Variants in PEX1 observed in about 807,000 individuals in gnomAD.
PEX1 encodes the protein peroxisomal ATPase PEX1.
Under a neutral mutation model 152.5 loss-of-function variants are expected in PEX1, and 97 were observed. That is an observed-to-expected ratio of 0.64 (90% CI 0.54 to 0.75). The LOEUF (loss-of-function observed/expected upper bound fraction) is 0.75, where lower values mean the gene tolerates loss of function less well. PEX1 is among the 30% of genes least tolerant of loss of function. The pLI is 0.00. For missense variants in PEX1, 1,357 were observed against 1,516.3 expected, an observed-to-expected ratio of 0.89 and a Z score of 1.74; for synonymous variants, 485 against 531.6, an observed-to-expected ratio of 0.91 and a Z score of 1.21.
At chr7:92,516,061 AAAAG>A (rs1389588023) in intron 5 of PEX1, among the ~76,000 whole-genome samples, 10 of 39,822 alleles carry the variant, frequency 2.5e-4, no homozygotes, top group Admixed American at 9.6e-4. Context: ...GAGAAAAAAG[AAAAG>A]AAAAGAAAAG....
chr7:92,518,382 G>C, intron 3 of PEX1, 127 bp from the exon 4 acceptor site: 2 of 689,784 alleles, frequency 2.9e-6, no homozygotes, highest in South Asian at 3.2e-5. Context: ...ACACGACATG[G>C]TGTTATGAGC....
Position 92,492,985 on chromosome 7 carries a change from A to G in PEX1, c.3175T>C (p.Leu1059=), listed in dbSNP as rs1233654408. Residue 1059 remains leucine, a synonymous_variant, in exon 20 of 24, where the codon TTA becomes CTA. Coordinates refer to ENST00000248633, the MANE Select transcript of PEX1 (RefSeq NM_000466.3). ...CCACTCGAGAGCAGCATTCCATGTA[A>G]GGCCTCCAATTGGGCATTGTAAAGT... ...ALLYNAQLEA[L]HGMLLSSGLQ... 6.2e-7 allele frequency: 1 copy of G among 1,613,770 alleles called. No homozygotes were observed. Among genetic ancestry groups the G allele is most frequent in the African/African-American group, 1.3e-5 (1 of 74,920 alleles).
At chr7:92,500,527 G>A (rs1167538052) in intron 15 of PEX1, among the ~76,000 whole-genome samples, 1 of 152,164 alleles carries the variant, frequency 6.6e-6, no homozygotes, top group Non-Finnish European at 1.5e-5. Context: ...ATGTACTAAT[G>A]CTTGATGCCC....
At chr7:92,516,666 A>G (rs1792801595) in intron 5 of PEX1, among the ~76,000 whole-genome samples, 2 of 152,168 alleles carry the variant, frequency 1.3e-5, no homozygotes, top group South Asian at 4.1e-4. Context: ...GACTTATGTC[A>G]TATAAAGGTA....
Position 92,504,871 on chromosome 7 carries a change from T to C in PEX1, c.1932A>G (p.Leu644=), listed in dbSNP as rs889763520. 6.2e-7 allele frequency: 1 copy of C among 1,613,770 alleles called. No individual in the cohort carries two copies. Among genetic ancestry groups the C allele is most frequent in the African/African-American group, 1.3e-5 (1 of 74,922 alleles). The change falls in exon 12 of 24, where the codon CTA becomes CTG. Residue 644 remains leucine, a synonymous_variant. Transcript: ENST00000248633. The stretch of plus-strand genomic sequence containing the variant: ...ACACTGCCTCTGAGAAAGCCACCTC[T>C]AGGGTTTTTTGTATGTTTTCAAGCC... The part of the protein sequence containing the change: ...GKRLENIQKT[L]EVAFSEAVWM...
intron 1 of PEX1, among the ~76,000 whole-genome samples, chr7:92,523,464 G>A (rs1793137148): frequency 6.6e-6 from 1 of 151,534 alleles, no homozygotes; most frequent in Admixed American, 6.6e-5. Flanking sequence ...TGGGAATATA[G>A]GCATACACCA....
At position 92,506,937 on chromosome 7, in the gene PEX1, A is replaced by G. The variant is rs552327307; in HGVS notation, c.1803+57T>C. ...TAATAGATGGTCAAAACCCAAAGAAAGATAAATGAAAAGTTATTAAATGTT... is the reference window on the plus strand; with the variant it reads ...TAATAGATGGTCAAAACCCAAAGAAGGATAAATGAAAAGTTATTAAATGTT... On this transcript the variant is annotated intron_variant, in intron 10 of 23. Coordinates refer to ENST00000248633, the MANE Select transcript of PEX1 (RefSeq NM_000466.3). 8 of 1,581,658 alleles carry G rather than the reference A, an allele frequency of 5.1e-6. No homozygotes were observed. The African/African-American group carries it at 1.1e-4, about 21-fold the overall frequency.
In PEX1 at chr7:92,504,688, C is replaced by T. The variant is rs140326758; in HGVS notation, c.2071+44G>A. On this transcript the variant is annotated intron_variant, in intron 12 of 23. Coordinates refer to ENST00000248633, the MANE Select transcript of PEX1 (RefSeq NM_000466.3). ...TTATTGTTAAGACTAAAAATGCTGACTGACAAAAGAACAAGACCTTAAGCC... is the reference window on the plus strand; with the variant it reads ...TTATTGTTAAGACTAAAAATGCTGATTGACAAAAGAACAAGACCTTAAGCC... 448 of 1,586,490 alleles carry T rather than the reference C, an allele frequency of 2.8e-4. 1 individual carries two copies. The African/African-American group carries it at 5.0e-3, about 18-fold the overall frequency.
chr7:92,506,361 T>A lies in PEX1; in HGVS notation c.1804-17A>T. On this transcript the variant is annotated splice_polypyrimidine_tract_variant and intron_variant, in intron 10 of 23. Transcript: ENST00000248633. Reference sequence around the variant, plus strand: ...TCCACTTCCCTAGAAAATAATTGCTTTATAGGAATTCCCAATATATTCAGT... The same window carrying A: ...TCCACTTCCCTAGAAAATAATTGCTATATAGGAATTCCCAATATATTCAGT... 3 of 1,440,284 alleles carry A rather than the reference T, an allele frequency of 2.1e-6. No individual in the cohort carries two copies. Among genetic ancestry groups the A allele is most frequent in the Non-Finnish European group, 2.9e-6 (3 of 1,021,854 alleles). 89.2% of individuals were successfully genotyped at this position (1,440,284 alleles called of 1,614,324 possible). A position where few individuals can be genotyped will look rare whatever the true frequency, so the allele number is the denominator to read the frequency against.
chr7:92,506,618 C>G (rs926036742), intron 10 of PEX1: 6 of 513,156 alleles, frequency 1.2e-5, no homozygotes, highest in African/African-American at 1.9e-5. Context: ...GCAGATAAAA[C>G]TCAGCAATGT....
chr7:92,491,711 T>C (rs1791336685), intron 20 of PEX1: 2 of 519,058 alleles, frequency 3.9e-6, no homozygotes, highest in Admixed American at 3.4e-5. Flanking sequence ...TGTAGATAAT[T>C]TACCAACCAT....
At chr7:92,514,921 G>A (rs1180547317) in intron 5 of PEX1, among the ~76,000 whole-genome samples, 3 of 151,548 alleles carry the variant, frequency 2.0e-5, no homozygotes, top group African/African-American at 4.8e-5. Flanking sequence ...GTGGTGGTGG[G>A]AGCCTGTATC....
chr7:92,494,757 CAACA>C (rs1791567170), intron 17 of PEX1, 128 bp from the exon 18 acceptor site: 1 of 498,574 alleles, frequency 2.0e-6, no homozygotes, highest in Non-Finnish European at 3.1e-6. Context: ...TTAATTTTTA[CAACA>C]AACCCTTAAA....
chr7:92,493,313 A>G (rs1001245402), intron 19 of PEX1, 184 bp from the exon 20 acceptor site: 1 of 425,202 alleles, frequency 2.4e-6, no homozygotes, highest in African/African-American at 2.1e-5. Flanking sequence ...CAACAGAAAT[A>G]ATATATATAG....
chr7:92,511,747 C>T (rs376624977), intron 6 of PEX1, 44 bp from the exon 7 acceptor site: 1 of 1,579,494 alleles, frequency 6.3e-7, no homozygotes, highest in African/African-American at 1.3e-5. Context: ...CATATCTGAA[C>T]TTAACTTTAA....
chr7:92,523,355 T>A (rs981543490), intron 1 of PEX1, among the ~76,000 whole-genome samples: 3 of 152,022 alleles, frequency 2.0e-5, no homozygotes, highest in Non-Finnish European at 2.9e-5. Flanking sequence ...AGGATTTTGC[T>A]CTGTTGCCCA....
In PEX1 at chr7:92,517,377, T is replaced by C; in HGVS notation, c.1138A>G (p.Lys380Glu). The C allele has an allele frequency of 6.2e-7, 1 of 1,613,802 alleles. No individual in the cohort carries two copies. Among genetic ancestry groups the C allele is most frequent in the Non-Finnish European group, 8.5e-7 (1 of 1,179,774 alleles). ...CAGACTACTTGTAGCACACAGGCCT[T>C]CTCATCTTCTTCATTATGATCTGAC... ...IRSDHNEEDEKACVLQVVWNG... is the reference protein window; with the variant it reads ...IRSDHNEEDEEACVLQVVWNG... Residue 380 changes from lysine to glutamate, a missense_variant, in exon 5 of 24, where the codon AAG (lysine) becomes GAG (glutamate). Physicochemically the swap from Lys to Glu is moderately conservative, Grantham distance 56. Coordinates refer to ENST00000248633, the MANE Select transcript of PEX1 (RefSeq NM_000466.3).
At chr7:92,506,185 T>C (rs1277494350) in intron 11 of PEX1, 63 bp downstream of exon 11, 10 of 865,160 alleles carry the variant, frequency 1.2e-5, no homozygotes, top group Non-Finnish European at 2.0e-5. Context: ...GACAGCATTA[T>C]GTATAACATT....
At chr7:92,524,486 C>T (rs1249070138) in intron 1 of PEX1, among the ~76,000 whole-genome samples, 2 of 151,638 alleles carry the variant, frequency 1.3e-5, no homozygotes, top group African/African-American at 2.4e-5. Context: ...AGGCTGGTCT[C>T]GAACTCCTGA....
Sources: gnomAD v4.1 joint callset for allele counts (sites outside exome capture counted in the v4.1 genomes callset) on GRCh38, gnomAD v4.1.1 for gene constraint, MANE v1.5 for transcripts, NCBI Gene and HGNC (gene_info 2026-07-23, HGNC 2026-07-21) for gene names.